NRG1: variants seen among roughly 807,000 people sequenced by gnomAD.
NRG1 encodes the protein pro-neuregulin-1, membrane-bound isoform.
In NRG1, 18 loss-of-function variants were observed where a neutral mutation model predicts 63.8. That is an observed-to-expected ratio of 0.28 (90% CI 0.19 to 0.42). NRG1 has a LOEUF of 0.42. Ranked by LOEUF, NRG1 falls within the 10% of genes least tolerant of loss-of-function variation. The pLI is 1.00. For missense variants in NRG1, 762 were observed against 814.7 expected, an observed-to-expected ratio of 0.94 and a Z score of 0.79; for synonymous variants, 302 against 301.3, an observed-to-expected ratio of 1.00 and a Z score of -0.02.
intron 5 of NRG1, among the ~76,000 whole-genome samples, chr8:32,630,578 G>A (rs1297180720): frequency 6.6e-6 from 1 of 152,078 alleles, no homozygotes; most frequent in African/African-American, 2.4e-5. Context: ...TGAAGTTGAT[G>A]GTAACATTCA....
At chr8:32,542,387 A>G (rs1226472856) in intron 1 of NRG1, among the ~76,000 whole-genome samples, 2 of 152,204 alleles carry the variant, frequency 1.3e-5, no homozygotes, top group African/African-American at 2.4e-5. Context: ...AAACCTAAGT[A>G]CACACACACT....
intron 1 of NRG1, among the ~76,000 whole-genome samples, chr8:32,508,022 T>G (rs1282578468): frequency 1.3e-5 from 2 of 152,106 alleles, no homozygotes; most frequent in Admixed American, 1.3e-4. Context: ...TATGGGGATG[T>G]TCAATGCAGT....
At chr8:32,449,107 C>A (rs1334497586) in intron 1 of NRG1, among the ~76,000 whole-genome samples, 3 of 152,054 alleles carry the variant, frequency 2.0e-5, no homozygotes, top group Non-Finnish European at 4.4e-5. Flanking sequence ...CCAGTCTGGG[C>A]AACATGGTGA....
At chr8:31,699,476 C>T (rs950211339) in intron 1 of NRG1, among the ~76,000 whole-genome samples, 1 of 152,154 alleles carries the variant, frequency 6.6e-6, no homozygotes, top group Admixed American at 6.5e-5. Context: ...TTCTCCACCT[C>T]TGATTTCTTC....
intron 1 of NRG1, among the ~76,000 whole-genome samples, chr8:32,205,776 C>G (rs1342207059): frequency 6.6e-6 from 1 of 151,842 alleles, no homozygotes; most frequent in Non-Finnish European, 1.5e-5. Context: ...TACCTGCTGA[C>G]AAGGCTTTGA....
chr8:32,322,614 G>C lies in NRG1; in HGVS notation c.38-273214G>C, dbSNP rs76916303. On this transcript the variant is annotated intron_variant, in intron 1 of 10. Transcript: ENST00000519301. ...CTTGATCCCACATCTTCTCCAGTGG[G>C]ATTGTGGAGATCGTGTCACTGCTGG... Among the ~76,000 whole-genome samples, 96 of 152,218 alleles carry C rather than the reference G, an allele frequency of 6.3e-4. 2 individuals carry two copies. The East Asian group carries it at 0.016, about 25-fold the overall frequency.
intron 1 of NRG1, among the ~76,000 whole-genome samples, chr8:32,341,969 A>C (rs1804137869): frequency 6.6e-6 from 1 of 152,190 alleles, no homozygotes; most frequent in Non-Finnish European, 1.5e-5. Flanking sequence ...TAAATTATTT[A>C]ATATCAAAAA....
chr8:32,340,009 C>T (rs1454436476), intron 1 of NRG1, among the ~76,000 whole-genome samples: 1 of 152,018 alleles, frequency 6.6e-6, no homozygotes, highest in Non-Finnish European at 1.5e-5. Context: ...GATAACTTGA[C>T]TTTCTCCTTC....
At chr8:32,122,860 T>C (rs1448035083) in intron 1 of NRG1, among the ~76,000 whole-genome samples, 1 of 151,202 alleles carries the variant, frequency 6.6e-6, no homozygotes, top group East Asian at 2.0e-4. Flanking sequence ...CACCTGTGAG[T>C]GAGAACACAC....
intron 1 of NRG1, among the ~76,000 whole-genome samples, chr8:32,235,312 T>C (rs886295270): frequency 3.4e-5 from 5 of 148,430 alleles, no homozygotes; most frequent in African/African-American, 1.2e-4. Context: ...GGTGGGAGGA[T>C]CGCTTGAACC....
intron 1 of NRG1, among the ~76,000 whole-genome samples, chr8:32,429,650 T>G (rs920627309): frequency 1.3e-5 from 2 of 152,200 alleles, no homozygotes; most frequent in Non-Finnish European, 2.9e-5. Flanking sequence ...TTTCTCTCCC[T>G]TTTTGTTTTG....
chr8:32,517,512 G>A (rs1398818784), intron 1 of NRG1, among the ~76,000 whole-genome samples: 1 of 152,112 alleles, frequency 6.6e-6, no homozygotes, highest in Non-Finnish European at 1.5e-5. Context: ...CAAAAGAGGT[G>A]TTTATATGTT....
intron 1 of NRG1, among the ~76,000 whole-genome samples, chr8:31,767,480 A>G (rs1190287096): frequency 6.6e-6 from 1 of 152,116 alleles, no homozygotes; most frequent in African/African-American, 2.4e-5. Context: ...CTCACTTTGA[A>G]TCTACTCTAA....
intron 1 of NRG1, among the ~76,000 whole-genome samples, chr8:32,188,070 AT>A (rs796398786): frequency 4.4e-3 from 649 of 145,972 alleles, no homozygotes; most frequent in African/African-American, 7.2e-3. Flanking sequence ...AGGATTATAG[AT>A]TTTTTTTTTT....
rs559593551 is a variant in NRG1 at position 31,776,838 on chromosome 8, T to A, written c.37+137407T>A. On this transcript the variant is annotated intron_variant, in intron 1 of 10. Transcript: ENST00000519301. The stretch of plus-strand genomic sequence containing the variant: ...TTTGCTGAGAATGATGGTTTCCAGC[T>A]TCATCCATGTCCCTACAAAGGACAT... Among the ~76,000 whole-genome samples the A allele has an allele frequency of 2.0e-5, 3 of 152,266 alleles. No homozygotes were observed. In the South Asian group the frequency reaches 6.2e-4, roughly 32 times the overall value.
intron 5 of NRG1, among the ~76,000 whole-genome samples, chr8:32,674,430 A>T (rs1411223029): frequency 1.3e-5 from 2 of 152,172 alleles, no homozygotes; most frequent in African/African-American, 4.8e-5. Context: ...ACATTTAAGG[A>T]TCTGAATAGG....
At chr8:31,649,087 T>C (rs1804591086) in intron 1 of NRG1, among the ~76,000 whole-genome samples, 1 of 152,058 alleles carries the variant, frequency 6.6e-6, no homozygotes, top group South Asian at 2.1e-4. Flanking sequence ...GCCTCCTGAA[T>C]AGCTGGGAGT....
At chr8:31,731,778 A>G (rs1374981672) in intron 1 of NRG1, among the ~76,000 whole-genome samples, 2 of 152,220 alleles carry the variant, frequency 1.3e-5, no homozygotes, top group East Asian at 3.8e-4. Context: ...ATGCAATTGC[A>G]ATGTTAAATA....
At chr8:31,645,658 A>G (rs1010907844) in intron 1 of NRG1, among the ~76,000 whole-genome samples, 3 of 152,190 alleles carry the variant, frequency 2.0e-5, no homozygotes, top group Non-Finnish European at 2.9e-5. Context: ...ATATGTGGTA[A>G]TTTACATTAA....
Sources: allele counts gnomAD v4.1 joint callset (sites outside exome capture counted in the v4.1 genomes callset), GRCh38; gene constraint gnomAD v4.1.1; transcripts MANE v1.5; gene names NCBI Gene and HGNC (gene_info 2026-07-23, HGNC 2026-07-21).